The following COPS4 variants were observed in gnomAD, a reference collection of about 807,000 sequenced individuals.
COPS4 encodes COP9 signalosome complex subunit 4.
COPS4 carries 8 observed loss-of-function variants against 55.1 expected under a neutral mutation model. The ratio of observed to expected loss-of-function variants is 0.15; its 90% CI spans 0.09 to 0.26. The LOEUF (loss-of-function observed/expected upper bound fraction) is 0.26. COPS4 is among the 10% of genes least tolerant of loss of function. The pLI is 1.00. For synonymous variants in COPS4, 185 were observed against 165.7 expected (o/e 1.12, Z -0.90); for missense variants, 248 against 484.0 (o/e 0.51, Z 4.58).
intron 4 of COPS4, among the ~76,000 whole-genome samples, chr4:83,051,813 A>G (rs1026597624): frequency 6.6e-6 from 1 of 152,192 alleles, no homozygotes; most frequent in African/African-American, 2.4e-5. Flanking sequence ...TAGATAGGCA[A>G]AAGGACTGAG....
At chr4:83,053,365 G>A (rs982678806) in intron 4 of COPS4, among the ~76,000 whole-genome samples, 2 of 152,286 alleles carry the variant, frequency 1.3e-5, no homozygotes, top group South Asian at 4.1e-4. Context: ...TACCTATGCG[G>A]TTCAATGATG....
intron 9 of COPS4, among the ~76,000 whole-genome samples, chr4:83,069,829 G>A (rs978762750): frequency 1.2e-4 from 18 of 151,806 alleles, no homozygotes; most frequent in Non-Finnish European, 7.4e-5. Flanking sequence ...ACCCTGTCTG[G>A]TTGTTCCACT....
intron 1 of COPS4, among the ~76,000 whole-genome samples, chr4:83,045,048 A>G (rs1485703974): frequency 6.6e-6 from 1 of 152,234 alleles, no homozygotes; most frequent in Non-Finnish European, 1.5e-5. Context: ...ATGGTATTCT[A>G]TCAGTGCATT....
intron 7 of COPS4, among the ~76,000 whole-genome samples, chr4:83,064,222 A>G (rs1404693499): frequency 6.6e-6 from 1 of 152,128 alleles, no homozygotes; most frequent in African/African-American, 2.4e-5. Flanking sequence ...CTGTGGTTCT[A>G]GCTACTCGGG....
intron 1 of COPS4, among the ~76,000 whole-genome samples, chr4:83,040,763 T>A (rs1279068463): frequency 6.1e-4 from 1 of 1,648 alleles, no homozygotes; most frequent in Non-Finnish European, 6.8e-3. Context: ...ATGTTGGCTT[T>A]TTTTTTTTTT....
At chr4:83,046,046 T>C (rs915924862) in intron 2 of COPS4, among the ~76,000 whole-genome samples, 1 of 152,090 alleles carries the variant, frequency 6.6e-6, no homozygotes, top group African/African-American at 2.4e-5. Flanking sequence ...CTTTTCCTCT[T>C]TAAAATGTAC....
intron 1 of COPS4, among the ~76,000 whole-genome samples, chr4:83,036,457 A>C (rs1050034471): frequency 6.6e-6 from 1 of 152,172 alleles, no homozygotes; most frequent in African/African-American, 2.4e-5. Flanking sequence ...GGCAAACGTA[A>C]TCTACTTTTA....
chr4:83,049,807 A>C, intron 3 of COPS4, 74 bp from the exon 4 acceptor site: 1 of 896,038 alleles, frequency 1.1e-6, no homozygotes, highest in Non-Finnish European at 1.7e-6. Flanking sequence ...CCACTTTAGA[A>C]TAACTTTCCT....
chr4:83,047,749 C>A (rs1013365002), intron 2 of COPS4, among the ~76,000 whole-genome samples: 1 of 152,082 alleles, frequency 6.6e-6, no homozygotes. Flanking sequence ...GCCTGTAGTC[C>A]CAGCACTTTG....
At chr4:83,063,020 G>C in intron 6 of COPS4, 56 bp from the exon 7 acceptor site, 1 of 1,433,054 alleles carries the variant, frequency 7.0e-7, no homozygotes, top group Non-Finnish European at 9.3e-7. Flanking sequence ...TTTTTTTCCT[G>C]AAGAAACATT....
rs748871775 is a variant in COPS4 at position 83,073,354 on chromosome 4, G to A, written c.1088-1943G>A. On this transcript the variant is annotated intron_variant, in intron 9 of 9. Transcript: ENST00000264389. ...TTAGGGTTCATCCATGTCATGGCAG[G>A]TAATCAGTGCTTCATTCATTTTTAT... 59 of 645,380 alleles carry A rather than the reference G, an allele frequency of 9.1e-5. No individual in the cohort carries two copies. The Middle Eastern group carries it at 1.2e-3, about 13-fold the overall frequency. The allele number at this position is 645,380 out of a possible 1,614,324, so 40.0% of individuals were successfully genotyped here. A position where few individuals can be genotyped will look rare whatever the true frequency, so the allele number is the denominator to read the frequency against.
intron 2 of COPS4, among the ~76,000 whole-genome samples, chr4:83,046,801 T>C (rs1270634801): frequency 1.3e-5 from 2 of 152,230 alleles, no homozygotes; most frequent in Non-Finnish European, 2.9e-5. Flanking sequence ...GACTAGAACG[T>C]ATAGGTACAG....
At chr4:83,066,098 G>A (rs1731285756) in intron 7 of COPS4, among the ~76,000 whole-genome samples, 1 of 152,160 alleles carries the variant, frequency 6.6e-6, no homozygotes, top group African/African-American at 2.4e-5. Flanking sequence ...GTTGCAGTGA[G>A]CAGAGATTGT....
chr4:83,065,979 T>C (rs1343759312), intron 7 of COPS4, among the ~76,000 whole-genome samples: 2 of 152,176 alleles, frequency 1.3e-5, no homozygotes, highest in African/African-American at 4.8e-5. Context: ...GACGAAACCC[T>C]GTCCCTACTA....
intron 6 of COPS4, among the ~76,000 whole-genome samples, chr4:83,062,588 T>C: frequency 6.6e-6 from 1 of 152,232 alleles, no homozygotes; most frequent in East Asian, 1.9e-4. Context: ...TTTAAGATCA[T>C]GTTTTTCACA....
intron 4 of COPS4, among the ~76,000 whole-genome samples, chr4:83,056,516 C>T (rs1578713149): frequency 6.6e-6 from 1 of 152,042 alleles, no homozygotes; most frequent in East Asian, 1.9e-4. Context: ...GTTTGATTCC[C>T]GGCCGGGGGC....
chr4:83,036,068 A>G (rs1466074688), intron 1 of COPS4: 1 of 152,156 alleles, frequency 6.6e-6, no homozygotes, highest in African/African-American at 2.4e-5. Flanking sequence ...CTCTTTGTAG[A>G]TGTCACAGCA....
intron 1 of COPS4, 109 bp from the exon 2 acceptor site, chr4:83,045,517 A>G (rs1158343424): frequency 2.6e-6 from 2 of 782,814 alleles, no homozygotes; most frequent in African/African-American, 3.5e-5. Context: ...CACAAACTAT[A>G]GTACTATGAA....
At chr4:83,041,438 G>A (rs1416133234) in intron 1 of COPS4, among the ~76,000 whole-genome samples, 1 of 151,976 alleles carries the variant, frequency 6.6e-6, no homozygotes, top group African/African-American at 2.4e-5. Context: ...TGTATACTGA[G>A]TACTCATATA....
Sources: gnomAD v4.1 joint callset for allele counts (sites outside exome capture counted in the v4.1 genomes callset) on GRCh38, gnomAD v4.1.1 for gene constraint, MANE v1.5 for transcripts, NCBI Gene and HGNC (gene_info 2026-07-23, HGNC 2026-07-21) for gene names.